Variants in ZNF334 observed in about 807,000 individuals in gnomAD.
The protein encoded by ZNF334 is zinc finger protein 334.
In ZNF334, 14 loss-of-function variants were observed where a neutral mutation model predicts 12.4. The observed-to-expected ratio is 1.13, with a 90% CI of 0.74 to 1.76. The LOEUF (loss-of-function observed/expected upper bound fraction) is 1.76, where lower values mean the gene tolerates loss of function less well. ZNF334 is among the 40% of genes most tolerant of loss of function. The pLI, the probability that ZNF334 is intolerant of heterozygous loss-of-function variation, is 0.00. For missense variants in ZNF334, 797 were observed against 804.5 expected, an observed-to-expected ratio of 0.99 and a Z score of 0.11; for synonymous variants, 273 against 269.6, an observed-to-expected ratio of 1.01 and a Z score of -0.12.
At chr20:46,482,898 A>C in the ZNF334 span, among the ~76,000 whole-genome samples, 1 of 152,160 alleles carries the variant, frequency 6.6e-6, no homozygotes, top group African/African-American at 2.4e-5. Context: ...ATAGATCTCT[A>C]TGTTTGCAGT....
chr20:46,464,336 G>A, the ZNF334 span: 1 of 536,784 alleles, frequency 1.9e-6, no homozygotes, highest in Non-Finnish European at 3.7e-6. Flanking sequence ...TTCTGGGTAG[G>A]ACACTATGAT....
the ZNF334 span, among the ~76,000 whole-genome samples, chr20:46,467,488 C>A: frequency 6.6e-6 from 1 of 152,174 alleles, no homozygotes; most frequent in Non-Finnish European, 1.5e-5. Flanking sequence ...ACTAATATCC[C>A]CCTAGGAGTA....
At chr20:46,488,031 C>T in the ZNF334 span, among the ~76,000 whole-genome samples, 1 of 152,122 alleles carries the variant, frequency 6.6e-6, no homozygotes. Flanking sequence ...ATCCTACATG[C>T]ATGCGACAGC....
chr20:46,488,024 C>T, the ZNF334 span, among the ~76,000 whole-genome samples: 1 of 152,108 alleles, frequency 6.6e-6, no homozygotes, highest in African/African-American at 2.4e-5. Context: ...TGCCAAGATC[C>T]TACATGCATG....
chr20:46,479,510 A>G, the ZNF334 span, among the ~76,000 whole-genome samples: 1 of 152,234 alleles, frequency 6.6e-6, no homozygotes, highest in East Asian at 1.9e-4. Context: ...AAGACTGACA[A>G]AACAGACTCT....
chr20:46,507,603 A>C (rs1420504923), intron 2 of ZNF334, among the ~76,000 whole-genome samples: 1 of 152,218 alleles, frequency 6.6e-6, no homozygotes, highest in East Asian at 1.9e-4. Flanking sequence ...TTAAAAATAA[A>C]GCAGTAAAAA....
the ZNF334 span, among the ~76,000 whole-genome samples, chr20:46,490,052 C>T: frequency 6.6e-6 from 1 of 152,190 alleles, no homozygotes; most frequent in East Asian, 1.9e-4. Flanking sequence ...ACTCATGACA[C>T]CACAGTTTTA....
the ZNF334 span, among the ~76,000 whole-genome samples, chr20:46,472,401 A>G: frequency 6.6e-6 from 1 of 152,212 alleles, no homozygotes; most frequent in Non-Finnish European, 1.5e-5. Context: ...GTAGAGAAAA[A>G]CATATACAGT....
At chr20:46,487,250 T>G in the ZNF334 span, among the ~76,000 whole-genome samples, 1 of 152,198 alleles carries the variant, frequency 6.6e-6, no homozygotes, top group Admixed American at 6.5e-5. Context: ...CATTTTAATC[T>G]GTCTATATTT....
At chr20:46,467,990 G>A in the ZNF334 span, among the ~76,000 whole-genome samples, 1 of 152,178 alleles carries the variant, frequency 6.6e-6, no homozygotes, top group Admixed American at 6.5e-5. Context: ...AACAATTAGT[G>A]TTCTTTACTG....
chr20:46,463,783 C>T, the ZNF334 span: 8 of 265,628 alleles, frequency 3.0e-5, no homozygotes, highest in East Asian at 6.3e-4. Context: ...TAAGACAGCA[C>T]CTGGAGTTGA....
chr20:46,474,190 T>G, the ZNF334 span, among the ~76,000 whole-genome samples: 1 of 152,068 alleles, frequency 6.6e-6, no homozygotes, highest in African/African-American at 2.4e-5. Context: ...CTGGCTGACA[T>G]GGCGAAACCC....
the ZNF334 span, among the ~76,000 whole-genome samples, chr20:46,466,829 T>C: frequency 1.8e-4 from 27 of 152,184 alleles, no homozygotes; most frequent in Non-Finnish European, 2.9e-5. Context: ...TATATAAAGT[T>C]GGCAGATTAT....
chr20:46,476,890 G>T, the ZNF334 span: 2 of 152,178 alleles, frequency 1.3e-5, no homozygotes, highest in Non-Finnish European at 2.9e-5. Flanking sequence ...ATCCTATCAG[G>T]ATTCAAACGG....
chr20:46,469,855 C>T, the ZNF334 span, among the ~76,000 whole-genome samples: 3 of 152,060 alleles, frequency 2.0e-5, no homozygotes, highest in Admixed American at 6.5e-5. Context: ...CAGACATACA[C>T]CCTTAAGCAA....
chr20:46,465,748 A>G, the ZNF334 span, among the ~76,000 whole-genome samples: 2 of 152,088 alleles, frequency 1.3e-5, no homozygotes, highest in East Asian at 1.9e-4. Context: ...AGGTCAGGAG[A>G]TTGAGAACAT....
the ZNF334 span, chr20:46,477,261 G>A: frequency 1.3e-5 from 2 of 152,268 alleles, no homozygotes; most frequent in African/African-American, 4.8e-5. Context: ...CAGCAGGTGA[G>A]GAAGGCACCT....
chr20:46,468,314 C>G, the ZNF334 span, among the ~76,000 whole-genome samples: 1 of 150,826 alleles, frequency 6.6e-6, no homozygotes, highest in Non-Finnish European at 1.5e-5. Flanking sequence ...CTCGCTCTGT[C>G]GCCCAGGCTG....
At chr20:46,508,090 T>C (rs1036730447) in intron 2 of ZNF334, among the ~76,000 whole-genome samples, 4 of 152,202 alleles carry the variant, frequency 2.6e-5, no homozygotes, top group Non-Finnish European at 5.9e-5. Flanking sequence ...TGTGTTCACT[T>C]TGTGAGAAAC....
Sources: allele counts gnomAD v4.1 joint callset (sites outside exome capture counted in the v4.1 genomes callset), GRCh38; gene constraint gnomAD v4.1.1; transcripts MANE v1.5; gene names NCBI Gene and HGNC (gene_info 2026-07-23, HGNC 2026-07-21).